Variants in GLRA3 observed in about 807,000 individuals in gnomAD.
GLRA3 encodes the protein glycine receptor subunit alpha-3.
A neutral mutation model predicts 60.4 loss-of-function variants in GLRA3; 44 were observed. The ratio of observed to expected loss-of-function variants is 0.73; its 90% CI spans 0.57 to 0.94. The LOEUF (loss-of-function observed/expected upper bound fraction) is 0.94, where lower values mean the gene tolerates loss of function less well. Among genes scored for constraint, GLRA3 ranks in the 40% least tolerant of loss-of-function variants. The pLI is 0.00. For synonymous variants in GLRA3, 223 were observed against 192.9 expected (o/e 1.16, Z -1.29); for missense variants, 508 against 564.6 (o/e 0.90, Z 1.02).
intron 5 of GLRA3, among the ~76,000 whole-genome samples, chr4:174,684,483 T>A (rs1181390646): frequency 6.6e-6 from 1 of 152,198 alleles, no homozygotes; most frequent in African/African-American, 2.4e-5. Context: ...AATTTCATAT[T>A]TCTATATGGG....
chr4:174,647,528 A>T (rs1259147061), intron 9 of GLRA3, among the ~76,000 whole-genome samples: 7 of 152,172 alleles, frequency 4.6e-5, no homozygotes, highest in African/African-American at 1.7e-4. Flanking sequence ...GGTACTTGGA[A>T]GGACACTGCC....
chr4:174,741,617 T>A (rs1160823885), intron 3 of GLRA3, among the ~76,000 whole-genome samples: 7 of 152,088 alleles, frequency 4.6e-5, no homozygotes, highest in African/African-American at 1.4e-4. Flanking sequence ...TATTTATATT[T>A]TTTAAATTGT....
At chr4:174,827,047 C>T (rs1363290382) in intron 1 of GLRA3, among the ~76,000 whole-genome samples, 1 of 151,782 alleles carries the variant, frequency 6.6e-6, no homozygotes, top group Admixed American at 6.6e-5. Flanking sequence ...GAAAGAAAAA[C>T]TTGATGAAGA....
chr4:174,644,176 G>T, intron 9 of GLRA3, 112 bp from the exon 10 acceptor site: 1 of 678,776 alleles, frequency 1.5e-6, no homozygotes, highest in Non-Finnish European at 2.6e-6. Flanking sequence ...TTAATATAAG[G>T]AAAAGATAAC....
At chr4:174,806,608 TA>T (rs1466636668) in intron 1 of GLRA3, among the ~76,000 whole-genome samples, 1 of 152,120 alleles carries the variant, frequency 6.6e-6, no homozygotes, top group African/African-American at 2.4e-5. Context: ...AACAACTATT[TA>T]AATGGCATTT....
At chr4:174,672,333 TAAAC>T (rs1733938454) in intron 7 of GLRA3, among the ~76,000 whole-genome samples, 1 of 152,152 alleles carries the variant, frequency 6.6e-6, no homozygotes, top group African/African-American at 2.4e-5. Flanking sequence ...ACCGAAAACT[TAAAC>T]AAATAATTTT....
chr4:174,670,690 A>G (rs938241914), intron 7 of GLRA3, among the ~76,000 whole-genome samples: 4 of 152,170 alleles, frequency 2.6e-5, no homozygotes, highest in African/African-American at 7.2e-5. Context: ...TATCTCAAGT[A>G]CAGAGAAAAT....
chr4:174,680,598 AG>A (rs1239322801), intron 6 of GLRA3, among the ~76,000 whole-genome samples: 1 of 152,156 alleles, frequency 6.6e-6, no homozygotes, highest in South Asian at 2.1e-4. Context: ...GACAGAGATG[AG>A]TTTGGTGTAT....
chr4:174,699,628 G>A (rs1450353029), intron 5 of GLRA3, among the ~76,000 whole-genome samples: 1 of 151,998 alleles, frequency 6.6e-6, no homozygotes, highest in Admixed American at 6.6e-5. Flanking sequence ...TTCAAATGTG[G>A]TATATCTTTT....
chr4:174,719,364 C>T (rs1389601663), intron 4 of GLRA3, among the ~76,000 whole-genome samples: 6 of 151,852 alleles, frequency 4.0e-5, no homozygotes, highest in East Asian at 1.9e-4. Flanking sequence ...TTATGTATTT[C>T]TTATAATACA....
intron 1 of GLRA3, among the ~76,000 whole-genome samples, chr4:174,798,734 C>T (rs1307939755): frequency 6.6e-6 from 1 of 152,156 alleles, no homozygotes; most frequent in Non-Finnish European, 1.5e-5. Context: ...ACCATCCTGG[C>T]TAACACGGTG....
intron 3 of GLRA3, among the ~76,000 whole-genome samples, chr4:174,762,156 G>T (rs970146264): frequency 1.8e-4 from 28 of 152,216 alleles, no homozygotes; most frequent in Admixed American, 5.9e-4. Flanking sequence ...GTGTGGGGGC[G>T]TTATGGGTGG....
chr4:174,654,488 A>G (rs1303999883), intron 9 of GLRA3, among the ~76,000 whole-genome samples: 1 of 152,160 alleles, frequency 6.6e-6, no homozygotes, highest in Non-Finnish European at 1.5e-5. Context: ...AGAACTAATG[A>G]TCCATTCCTA....
At chr4:174,754,420 G>GA (rs968754306) in intron 3 of GLRA3, among the ~76,000 whole-genome samples, 7 of 150,988 alleles carry the variant, frequency 4.6e-5, no homozygotes, top group Non-Finnish European at 8.9e-5. Flanking sequence ...CTCAAAGTAA[G>GA]AAAAAAAAGA....
chr4:174,801,072 G>C (rs1244993858), intron 1 of GLRA3, among the ~76,000 whole-genome samples: 1 of 152,026 alleles, frequency 6.6e-6, no homozygotes, highest in Non-Finnish European at 1.5e-5. Context: ...ATGATGTGCA[G>C]TAGCTTAGGT....
At position 174,828,001 on chromosome 4, in the gene GLRA3, CGG is replaced by C. The variant is rs756203274; in HGVS notation, c.71+738_71+739del. Among the ~76,000 whole-genome samples the C allele has an allele frequency of 5.3e-4, 80 of 152,060 alleles. 1 individual carries two copies. The Middle Eastern group carries it at 0.024, about 46-fold the overall frequency. ...CTTATTTTTACACATTCATTAAGAA[CGG>C]GGTAAAATTATCTGATCCTTTGTCT... On this transcript the variant is annotated intron_variant, in intron 1 of 9. Transcript: ENST00000274093.
At chr4:174,785,564 T>C (rs1003086228) in intron 2 of GLRA3, among the ~76,000 whole-genome samples, 1 of 152,176 alleles carries the variant, frequency 6.6e-6, no homozygotes, top group Non-Finnish European at 1.5e-5. Flanking sequence ...ATGTCCATAC[T>C]GAAATTTTAT....
At chr4:174,757,147 T>C (rs1737750111) in intron 3 of GLRA3, among the ~76,000 whole-genome samples, 1 of 152,108 alleles carries the variant, frequency 6.6e-6, no homozygotes, top group Non-Finnish European at 1.5e-5. Context: ...ATACAAAAAA[T>C]TGGAAAAGTA....
chr4:174,811,203 T>A (rs570060073), intron 1 of GLRA3, among the ~76,000 whole-genome samples: 71 of 150,224 alleles, frequency 4.7e-4, no homozygotes, highest in Admixed American at 3.3e-3. Flanking sequence ...TTTTTTTTTT[T>A]AATGAAAAAT....
Sources: gnomAD v4.1 joint callset for allele counts (sites outside exome capture counted in the v4.1 genomes callset) on GRCh38, gnomAD v4.1.1 for gene constraint, MANE v1.5 for transcripts, NCBI Gene and HGNC (gene_info 2026-07-23, HGNC 2026-07-21) for gene names.